PHACTR3: variants seen among roughly 807,000 people sequenced by gnomAD.
PHACTR3 encodes the protein phosphatase and actin regulator 3, also known as protein phosphatase 1, regulatory subunit 123.
Under a neutral mutation model 66.8 loss-of-function variants are expected in PHACTR3, and 16 were observed. That is an observed-to-expected ratio of 0.24 (90% CI 0.16 to 0.36). The LOEUF (loss-of-function observed/expected upper bound fraction) is 0.36, where lower values mean the gene tolerates loss of function less well. PHACTR3 is among the 10% of genes least tolerant of loss of function. The pLI is 1.00. For missense variants in PHACTR3, 647 were observed against 719.9 expected (o/e 0.90, Z 1.16); for synonymous variants, 323 against 292.1 (o/e 1.11, Z -1.08).
At chr20:59,661,325 T>C (rs1185006919) in intron 1 of PHACTR3, among the ~76,000 whole-genome samples, 1 of 152,130 alleles carries the variant, frequency 6.6e-6, no homozygotes, top group East Asian at 1.9e-4. Context: ...GCAGGATGTA[T>C]GGACCAACGA....
chr20:59,689,911 G>T lies in PHACTR3; in HGVS notation c.119-53196G>T, dbSNP rs552325842. Among the ~76,000 whole-genome samples the T allele has an allele frequency of 2.0e-5, 3 of 152,232 alleles. No homozygotes were observed. In the East Asian group the frequency reaches 5.8e-4, roughly 29 times the overall value. ...AAGGTCCAGGCCCCCTTGTCTGTGC[G>T]CTGGGAGGATACAGATGCATCCTGA... On this transcript the variant is annotated intron_variant, in intron 1 of 12. Coordinates refer to ENST00000371015, the MANE Select transcript of PHACTR3 (RefSeq NM_080672.5).
chr20:59,763,281 C>G (rs6015576), intron 4 of PHACTR3, among the ~76,000 whole-genome samples: 1 of 152,214 alleles, frequency 6.6e-6, no homozygotes, highest in Non-Finnish European at 1.5e-5. Flanking sequence ...TGTAAGTTTC[C>G]TGAGGCCTCC....
intron 1 of PHACTR3, among the ~76,000 whole-genome samples, chr20:59,651,529 G>C (rs1186150780): frequency 2.6e-5 from 4 of 152,262 alleles, no homozygotes; most frequent in African/African-American, 9.6e-5. Context: ...TCCCCCTTTG[G>C]ACCAGTAATC....
At chr20:59,725,639 C>T (rs1331002295) in intron 1 of PHACTR3, among the ~76,000 whole-genome samples, 1 of 152,182 alleles carries the variant, frequency 6.6e-6, no homozygotes. Flanking sequence ...GAGAAGCTGG[C>T]ACCAGTGCTG....
intron 1 of PHACTR3, among the ~76,000 whole-genome samples, chr20:59,581,479 A>G (rs748997650): frequency 9.9e-5 from 15 of 152,174 alleles, no homozygotes; most frequent in Admixed American, 2.0e-4. Context: ...ATCCCCACGC[A>G]GCTGTCACCC....
At chr20:59,644,005 A>AG (rs2035193353) in intron 1 of PHACTR3, among the ~76,000 whole-genome samples, 2 of 152,186 alleles carry the variant, frequency 1.3e-5, no homozygotes, top group African/African-American at 4.8e-5. Flanking sequence ...GCATCTCCTC[A>AG]AGGGCAGCAA....
chr20:59,753,256 G>T lies in PHACTR3; in HGVS notation c.359-1926G>T, dbSNP rs900767163. ...CTTATGGGAAGAGCCTGCCAGCCTCGCCTGGACCTCTGGGCAACTGACGCG... is the reference window on the plus strand; with the variant it reads ...CTTATGGGAAGAGCCTGCCAGCCTCTCCTGGACCTCTGGGCAACTGACGCG... On this transcript the variant is annotated intron_variant, in intron 3 of 12. Transcript: ENST00000371015. Among the ~76,000 whole-genome samples, 6 of 152,242 alleles carry T rather than the reference G, an allele frequency of 3.9e-5. No individual in the cohort carries two copies. In the South Asian group the frequency reaches 8.3e-4, roughly 21 times the overall value.
intron 1 of PHACTR3, among the ~76,000 whole-genome samples, chr20:59,609,648 C>T (rs1247688566): frequency 6.6e-6 from 1 of 152,194 alleles, no homozygotes; most frequent in Non-Finnish European, 1.5e-5. Context: ...TCTAATGCTG[C>T]CCCCTTCCTG....
In PHACTR3 at chr20:59,605,240, C is replaced by G. The variant is rs541483026; in HGVS notation, c.118+108C>G. On this transcript the variant is annotated intron_variant, in intron 1 of 12. Coordinates refer to ENST00000371015, the MANE Select transcript of PHACTR3 (RefSeq NM_080672.5). ...CGCCCCGCCTGCATTCGGGGAGCCG[C>G]GGCAGGAACCCGCGCTCGGCCCCGC... 248 of 750,846 alleles carry G rather than the reference C, an allele frequency of 3.3e-4. 1 individual carries two copies. The Middle Eastern group carries it at 8.0e-3, about 24-fold the overall frequency. 46.5% of individuals were successfully genotyped at this position (750,846 alleles called of 1,614,324 possible).
chr20:59,624,330 T>A (rs1307466022), intron 1 of PHACTR3, among the ~76,000 whole-genome samples: 1 of 152,162 alleles, frequency 6.6e-6, no homozygotes, highest in African/African-American at 2.4e-5. Context: ...TCCTGGGTGA[T>A]CTTCTAGAGC....
chr20:59,696,333 T>G (rs769977086), intron 1 of PHACTR3, among the ~76,000 whole-genome samples: 1 of 152,154 alleles, frequency 6.6e-6, no homozygotes, highest in Non-Finnish European at 1.5e-5. Flanking sequence ...TAATTAGTAC[T>G]GGGCAGTGGA....
chr20:59,767,531 C>T, intron 5 of PHACTR3, 136 bp downstream of exon 5: 1 of 1,076,812 alleles, frequency 9.3e-7, no homozygotes, highest in South Asian at 1.5e-5. Flanking sequence ...TACCTTCAAC[C>T]AGTCTTGATT....
intron 1 of PHACTR3, among the ~76,000 whole-genome samples, chr20:59,609,087 TG>T (rs1321166590): frequency 6.6e-6 from 1 of 152,196 alleles, no homozygotes; most frequent in Admixed American, 6.5e-5. Context: ...GCCAGCTGGA[TG>T]GGGCCAGAGA....
chr20:59,631,579 G>T (rs1015682172), intron 1 of PHACTR3, among the ~76,000 whole-genome samples: 3 of 152,136 alleles, frequency 2.0e-5, no homozygotes, highest in Non-Finnish European at 2.9e-5. Flanking sequence ...TGGTCAACTA[G>T]GGATGTTTAA....
At chr20:59,725,346 G>A (rs1055658435) in intron 1 of PHACTR3, among the ~76,000 whole-genome samples, 6 of 151,906 alleles carry the variant, frequency 3.9e-5, no homozygotes, top group African/African-American at 7.3e-5. Flanking sequence ...CAGGTGTGCC[G>A]TGAGCTCAGT....
chr20:59,677,705 G>A (rs1042665772), intron 1 of PHACTR3, among the ~76,000 whole-genome samples: 3 of 152,178 alleles, frequency 2.0e-5, no homozygotes, highest in African/African-American at 7.2e-5. Flanking sequence ...TAGAGGACAG[G>A]AAATATGGGA....
intron 1 of PHACTR3, among the ~76,000 whole-genome samples, chr20:59,614,243 CCAGCCAT>C (rs2033950732): frequency 6.6e-6 from 1 of 152,234 alleles, no homozygotes; most frequent in African/African-American, 2.4e-5. Flanking sequence ...ATTCCTGGCT[CCAGCCAT>C]CTAGCTGACA....
chr20:59,724,762 C>T lies in PHACTR3; in HGVS notation c.119-18345C>T, dbSNP rs76426281. Among the ~76,000 whole-genome samples the T allele has an allele frequency of 1.1e-3, 173 of 152,344 alleles. 5 individuals are homozygous for T. In the East Asian group the frequency reaches 0.027, roughly 24 times the overall value. On this transcript the variant is annotated intron_variant, in intron 1 of 12. Transcript: ENST00000371015. ...TACACGCTCTCAAGCGACTCTCCCCCTCTCCTCAAAATGCTTACCTGCATT... is the reference window on the plus strand; with the variant it reads ...TACACGCTCTCAAGCGACTCTCCCCTTCTCCTCAAAATGCTTACCTGCATT...
chr20:59,741,120 G>C (rs2039143746), intron 1 of PHACTR3, among the ~76,000 whole-genome samples: 1 of 152,216 alleles, frequency 6.6e-6, no homozygotes, highest in Non-Finnish European at 1.5e-5. Flanking sequence ...CCTCAGGTGA[G>C]CCCTTGTGTT....
Sources: allele counts gnomAD v4.1 joint callset (sites outside exome capture counted in the v4.1 genomes callset), GRCh38; gene constraint gnomAD v4.1.1; transcripts MANE v1.5; gene names NCBI Gene and HGNC (gene_info 2026-07-23, HGNC 2026-07-21).